The following ADAMTS12 variants were observed in gnomAD, a reference collection of about 807,000 sequenced individuals.
ADAMTS12 encodes A disintegrin and metalloproteinase with thrombospondin motifs 12.
A neutral mutation model predicts 167.8 loss-of-function variants in ADAMTS12; 118 were observed. That is an observed-to-expected ratio of 0.70 (90% CI 0.61 to 0.82). The LOEUF (loss-of-function observed/expected upper bound fraction) is 0.82. Among genes scored for constraint, ADAMTS12 ranks in the 40% least tolerant of loss-of-function variants. The pLI, the probability that ADAMTS12 is intolerant of heterozygous loss-of-function variation, is 0.00. For synonymous variants in ADAMTS12, 704 were observed against 716.9 expected, an observed-to-expected ratio of 0.98 and a Z score of 0.29; for missense variants, 1,916 against 1,998.8, an observed-to-expected ratio of 0.96 and a Z score of 0.79.
At chr5:33,773,695 G>A (rs1332258943) in intron 2 of ADAMTS12, among the ~76,000 whole-genome samples, 1 of 152,216 alleles carries the variant, frequency 6.6e-6, no homozygotes, top group African/African-American at 2.4e-5. Context: ...TGTTGATAAT[G>A]TTGAATGCCT....
At chr5:33,684,814 TAAAG>T (rs1226056157) in intron 3 of ADAMTS12, among the ~76,000 whole-genome samples, 8 of 152,296 alleles carry the variant, frequency 5.3e-5, no homozygotes, top group Non-Finnish European at 8.8e-5. Flanking sequence ...TATAGAATGA[TAAAG>T]AAAGTCAGAC....
chr5:33,885,053 T>C (rs1226565118), intron 1 of ADAMTS12, among the ~76,000 whole-genome samples: 1 of 152,216 alleles, frequency 6.6e-6, no homozygotes. Context: ...ATCTTATTTG[T>C]TATACTTAGA....
intron 3 of ADAMTS12, among the ~76,000 whole-genome samples, chr5:33,693,997 C>T (rs1742654941): frequency 6.6e-6 from 1 of 152,116 alleles, no homozygotes. Context: ...TTCAGCATTT[C>T]TATATACCAA....
chr5:33,704,721 C>T (rs1384776963), intron 3 of ADAMTS12, among the ~76,000 whole-genome samples: 6 of 152,132 alleles, frequency 3.9e-5, no homozygotes, highest in Non-Finnish European at 7.3e-5. Context: ...TGTAGGGATA[C>T]ATTTTGGATT....
At chr5:33,682,360 CT>C (rs1406821206) in intron 5 of ADAMTS12, among the ~76,000 whole-genome samples, 3 of 152,294 alleles carry the variant, frequency 2.0e-5, no homozygotes, top group Non-Finnish European at 4.4e-5. Context: ...ATTGAATGGA[CT>C]TTGACACCTC....
At chr5:33,748,151 C>T (rs111488470) in intron 3 of ADAMTS12, among the ~76,000 whole-genome samples, 1,595 of 152,252 alleles carry the variant, frequency 0.01, 28 homozygotes, top group African/African-American at 0.037. Flanking sequence ...AATTCTTCTT[C>T]CCCAGATTTC....
At chr5:33,588,365 G>C (rs1170060739) in intron 18 of ADAMTS12, among the ~76,000 whole-genome samples, 1 of 152,146 alleles carries the variant, frequency 6.6e-6, no homozygotes, top group Non-Finnish European at 1.5e-5. Context: ...GGAGTGGGGG[G>C]TCTACCTCAC....
chr5:33,765,118 C>A (rs148074730), intron 2 of ADAMTS12, among the ~76,000 whole-genome samples: 1 of 152,060 alleles, frequency 6.6e-6, no homozygotes, highest in Non-Finnish European at 1.5e-5. Flanking sequence ...TTTTAAAGTA[C>A]AGAAAATTTA....
intron 3 of ADAMTS12, among the ~76,000 whole-genome samples, chr5:33,692,661 T>C (rs149174570): frequency 6.6e-6 from 1 of 152,092 alleles, no homozygotes; most frequent in East Asian, 1.9e-4. Flanking sequence ...CTTCTCAGAG[T>C]CCGTAATCCT....
chr5:33,721,869 A>T (rs888847788), intron 3 of ADAMTS12, among the ~76,000 whole-genome samples: 2 of 152,212 alleles, frequency 1.3e-5, no homozygotes, highest in Non-Finnish European at 2.9e-5. Context: ...GCCTTCTTTC[A>T]ATAGTCCTCA....
intron 16 of ADAMTS12, among the ~76,000 whole-genome samples, chr5:33,597,945 A>C (rs1737986750): frequency 6.6e-6 from 1 of 152,194 alleles, no homozygotes; most frequent in Admixed American, 6.5e-5. Flanking sequence ...AAACATTCCG[A>C]AAAGGCTTGT....
chr5:33,722,060 A>T (rs1235949838), intron 3 of ADAMTS12, among the ~76,000 whole-genome samples: 4 of 152,190 alleles, frequency 2.6e-5, no homozygotes, highest in Non-Finnish European at 1.5e-5. Context: ...TTATAACTTG[A>T]CATAAAAGCA....
intron 18 of ADAMTS12, among the ~76,000 whole-genome samples, chr5:33,586,974 T>A (rs187829653): frequency 6.6e-6 from 1 of 152,296 alleles, no homozygotes; most frequent in Non-Finnish European, 1.5e-5. Flanking sequence ...TTTTTCTTTT[T>A]CTTTTCTGGA....
chr5:33,734,921 C>T (rs902718735), intron 3 of ADAMTS12, among the ~76,000 whole-genome samples: 3 of 152,300 alleles, frequency 2.0e-5, no homozygotes, highest in Middle Eastern at 3.4e-3. Flanking sequence ...GATTCCCACC[C>T]GGACATACCT....
intron 16 of ADAMTS12, among the ~76,000 whole-genome samples, chr5:33,606,778 T>C (rs146303098): frequency 6.6e-6 from 1 of 152,326 alleles, no homozygotes; most frequent in Non-Finnish European, 1.5e-5. Context: ...ATAACTTTGA[T>C]ACCCAGCTGA....
intron 2 of ADAMTS12, among the ~76,000 whole-genome samples, chr5:33,844,372 C>A (rs1490885124): frequency 2.6e-5 from 4 of 152,156 alleles, no homozygotes; most frequent in African/African-American, 9.7e-5. Flanking sequence ...TTGCTAAATT[C>A]TTTTTCTCAG....
Position 33,752,544 on chromosome 5 carries a change from T to C in ADAMTS12, c.490-996A>G, listed in dbSNP as rs998419790. 2.0e-5 allele frequency among the ~76,000 whole-genome samples: 3 copies of C among 152,114 alleles called. No individual in the cohort carries two copies. The East Asian group carries it at 5.8e-4, about 29-fold the overall frequency. On this transcript the variant is annotated intron_variant, in intron 2 of 23. Transcript: ENST00000504830. ...AGGGTTGCTATGAAGAGTAAATGAG[T>C]TAATGTATGCAAAGCTCTTAGAAGA...
chr5:33,617,447 T>C (rs375330962), intron 14 of ADAMTS12, among the ~76,000 whole-genome samples: 1 of 152,274 alleles, frequency 6.6e-6, no homozygotes. Context: ...TGGATACAGA[T>C]CACAACCTCT....
At chr5:33,539,721 ATAGAT>A (rs1392235878) in intron 22 of ADAMTS12, among the ~76,000 whole-genome samples, 1 of 152,220 alleles carries the variant, frequency 6.6e-6, no homozygotes, top group Non-Finnish European at 1.5e-5. Flanking sequence ...TACAATGAGT[ATAGAT>A]TATTTTTGTA....
Sources: allele counts gnomAD v4.1 joint callset (sites outside exome capture counted in the v4.1 genomes callset), GRCh38; gene constraint gnomAD v4.1.1; transcripts MANE v1.5; gene names NCBI Gene and HGNC (gene_info 2026-07-23, HGNC 2026-07-21).